VPS39: variants seen among roughly 807,000 people sequenced by gnomAD.
The protein encoded by VPS39 is VPS39 subunit of HOPS complex.
Under a neutral mutation model 121.0 loss-of-function variants are expected in VPS39, and 70 were observed. That is an observed-to-expected ratio of 0.58 (90% confidence interval 0.48 to 0.71). VPS39 has a LOEUF of 0.71. VPS39 is among the 30% of genes least tolerant of loss of function. The pLI is 0.00. For synonymous variants in VPS39, 378 were observed against 398.1 expected, an observed-to-expected ratio of 0.95 and a Z score of 0.60; for missense variants, 818 against 1,051.5, an observed-to-expected ratio of 0.78 and a Z score of 3.07.
intron 21 of VPS39, among the ~76,000 whole-genome samples, chr15:42,162,834 G>A (rs1057409751): frequency 8.5e-5 from 13 of 152,202 alleles, no homozygotes; most frequent in African/African-American, 3.1e-4. Flanking sequence ...CCTAAGGTGA[G>A]ATGCTGCATT....
intron 10 of VPS39, 27 bp from the exon 11 acceptor site, chr15:42,173,879 G>T: frequency 6.2e-7 from 1 of 1,612,732 alleles, no homozygotes; most frequent in East Asian, 2.2e-5. Flanking sequence ...ATATGTAAGA[G>T]TTCACTCACT....
At chr15:42,168,562 G>C (rs1415710615) in intron 12 of VPS39, among the ~76,000 whole-genome samples, 1 of 80,484 alleles carries the variant, frequency 1.2e-5, no homozygotes, top group African/African-American at 4.7e-5. Flanking sequence ...TTTTTTTTTT[G>C]AGACAGAGTC....
chr15:42,197,831 T>G (rs918055615), intron 2 of VPS39, among the ~76,000 whole-genome samples: 1 of 152,104 alleles, frequency 6.6e-6, no homozygotes, highest in Admixed American at 6.5e-5. Context: ...TTGAAATATC[T>G]CAAATCTGGA....
intron 12 of VPS39, among the ~76,000 whole-genome samples, chr15:42,167,826 G>A (rs1222850128): frequency 6.6e-6 from 1 of 152,184 alleles, no homozygotes; most frequent in Admixed American, 6.5e-5. Flanking sequence ...CAAGGCACAG[G>A]TGTCAGCTGC....
intron 8 of VPS39, chr15:42,179,007 T>TA (rs887278626): frequency 6.4e-6 from 1 of 155,050 alleles, no homozygotes; most frequent in Non-Finnish European, 1.4e-5. Context: ...ATCCTGACTC[T>TA]AAAAAAAAGA....
chr15:42,184,236 A>G (rs1214622721), intron 8 of VPS39: 2 of 239,612 alleles, frequency 8.3e-6, no homozygotes, highest in Non-Finnish European at 1.6e-5. Context: ...AGGAGGAAGA[A>G]AAAAACTAAG....
chr15:42,178,089 G>T, intron 10 of VPS39, 129 bp downstream of exon 10: 1 of 1,251,282 alleles, frequency 8.0e-7, no homozygotes, highest in South Asian at 1.5e-5. Flanking sequence ...GTCAGACCTA[G>T]TATTCAAGGC....
At chr15:42,166,315 G>C in intron 15 of VPS39, 83 bp from the exon 16 acceptor site, 1 of 1,423,912 alleles carries the variant, frequency 7.0e-7, no homozygotes, top group Non-Finnish European at 9.9e-7. Context: ...GGTTGCCCCA[G>C]AATTCATTTT....
Position 42,178,072 on chromosome 15 carries a change from C to T in VPS39, c.960+146G>A, listed in dbSNP as rs8032103. The T allele has an allele frequency of 4.6e-4, 457 of 1,002,580 alleles. 1 individual carries two copies. The African/African-American group carries it at 6.3e-3, about 14-fold the overall frequency. 62.1% of individuals were successfully genotyped at this position (1,002,580 alleles called of 1,614,324 possible). On this transcript the variant is annotated intron_variant, in intron 10 of 24. Coordinates refer to ENST00000318006, the MANE Select transcript of VPS39 (RefSeq NM_015289.5). The stretch of plus-strand genomic sequence containing the variant: ...CACTTAGAGTTACATAGATATTTTA[C>T]GGTGGAGTCAGACCTAGTATTCAAG...
chr15:42,192,188 G>T, intron 2 of VPS39: 1 of 1,281,772 alleles, frequency 7.8e-7, no homozygotes, highest in Middle Eastern at 1.8e-4. Context: ...AGCCTCAAAA[G>T]TCACCAATGA....
intron 8 of VPS39, among the ~76,000 whole-genome samples, chr15:42,182,575 A>C (rs1368836140): frequency 6.6e-6 from 1 of 152,246 alleles, no homozygotes; most frequent in Non-Finnish European, 1.5e-5. Flanking sequence ...CTATGTAGTA[A>C]GGACTCAAAG....
At chr15:42,189,379 T>G (rs1249601144) in intron 4 of VPS39, among the ~76,000 whole-genome samples, 171 bp from the exon 5 acceptor site, 2 of 152,164 alleles carry the variant, frequency 1.3e-5, no homozygotes, top group Non-Finnish European at 2.9e-5. Flanking sequence ...CTATAACCAG[T>G]ACAAAGCATT....
intron 7 of VPS39, among the ~76,000 whole-genome samples, chr15:42,186,094 G>A (rs987514856): frequency 3.3e-5 from 5 of 152,218 alleles, no homozygotes; most frequent in Middle Eastern, 3.4e-3. Flanking sequence ...CTCTGATGCT[G>A]ATAAAATCAG....
At chr15:42,202,771 C>T (rs1490828833) in intron 1 of VPS39, among the ~76,000 whole-genome samples, 2 of 152,158 alleles carry the variant, frequency 1.3e-5, no homozygotes, top group East Asian at 1.9e-4. Flanking sequence ...TGACAGCCTC[C>T]TCCTATAGAG....
At chr15:42,191,087 T>A (rs772924092) in intron 4 of VPS39, 38 bp downstream of exon 4, 6 of 1,608,704 alleles carry the variant, frequency 3.7e-6, no homozygotes, top group Non-Finnish European at 4.3e-6. Flanking sequence ...TATCTTTTCT[T>A]GTTAGACACA....
chr15:42,204,745 C>T (rs541182360), intron 1 of VPS39, among the ~76,000 whole-genome samples: 12 of 152,174 alleles, frequency 7.9e-5, no homozygotes, highest in African/African-American at 2.2e-4. Context: ...GCTAAAACGA[C>T]GAAAAGTCTA....
intron 7 of VPS39, among the ~76,000 whole-genome samples, chr15:42,186,203 A>C (rs1426882962): frequency 6.6e-6 from 1 of 151,988 alleles, no homozygotes; most frequent in Non-Finnish European, 1.5e-5. Context: ...AGGCTGAGGC[A>C]GGAGGGCTGC....
rs889634788 is a variant in VPS39, at chr15:42,166,810, A to C, written c.1481T>G (p.Leu494Arg). 1.2e-6 allele frequency: 2 copies of C among 1,614,110 alleles called. No homozygotes were observed. The highest frequency in any genetic ancestry group is 1.7e-6 in the Non-Finnish European group (2 of 1,180,052). ...VLKKAHKYSE[L>R]IILYEKKGLH... The stretch of plus-strand genomic sequence containing the variant: ...CCCCTTCTTCTCATACAGGATGATA[A>C]GCTCACTGTACTTGTGAGCCTTCTT... The change falls in exon 14 of 25, where the codon CTT (leucine) becomes CGT (arginine). Residue 494 changes from leucine (L) to arginine (R), a missense_variant. Coordinates refer to ENST00000318006, the MANE Select transcript of VPS39 (RefSeq NM_015289.5).
chr15:42,177,804 T>C (rs2140858019), intron 10 of VPS39, among the ~76,000 whole-genome samples: 1 of 152,242 alleles, frequency 6.6e-6, no homozygotes, highest in South Asian at 2.1e-4. Flanking sequence ...GTGGCTGGGA[T>C]TACAGGTTCC....
Sources: gnomAD v4.1 joint callset for allele counts (sites outside exome capture counted in the v4.1 genomes callset) on GRCh38, gnomAD v4.1.1 for gene constraint, MANE v1.5 for transcripts, NCBI Gene and HGNC (gene_info 2026-07-23, HGNC 2026-07-21) for gene names.